Variants in GPR78 observed in about 807,000 individuals in gnomAD.
GPR78 encodes G protein-coupled receptor 78.
In GPR78, 29 loss-of-function variants were observed where a neutral mutation model predicts 17.9. The observed-to-expected ratio is 1.62, with a 90% CI of 1.20 to 2.21. The LOEUF (loss-of-function observed/expected upper bound fraction) is 2.21. Among genes scored for constraint, GPR78 ranks in the 30% most tolerant of loss-of-function variants. The pLI, the probability that GPR78 is intolerant of heterozygous loss-of-function variation, is 0.00. For synonymous variants in GPR78, 349 were observed against 256.9 expected (o/e 1.36, Z -3.43); for missense variants, 649 against 530.5 (o/e 1.22, Z -2.19).
chr4:8,587,634 C>T lies in GPR78; in HGVS notation c.*271C>T. On this transcript the variant is annotated 3_prime_UTR_variant, in exon 3 of 3. Coordinates refer to ENST00000382487, the MANE Select transcript of GPR78 (RefSeq NM_080819.5). ...GAACCTTAGCTTCCTCACCCTTGTT[C>T]TGGGGTCATGGCGATGCTTCGAGAC... 1.8e-6 allele frequency: 1 copy of T among 549,704 alleles called. No homozygotes were observed. 34.1% of individuals were successfully genotyped at this position (549,704 alleles called of 1,614,324 possible). A position where few individuals can be genotyped will look rare whatever the true frequency, so the allele number is the denominator to read the frequency against.
rs574084653 is a variant in GPR78 at position 8,587,032 on chromosome 4, A to G, written c.783-22A>G. 2.1e-5 allele frequency: 34 copies of G among 1,603,678 alleles called. No individual in the cohort carries two copies. In the East Asian group the frequency reaches 6.7e-4, roughly 32 times the overall value. On this transcript the variant is annotated intron_variant, in intron 2 of 2. Transcript: ENST00000382487. ...CAGGTGCTGTCACTGTGGCTGAGTT[A>G]GCTGCTCCGCTTCCCCAACAGGCTG...
Position 8,581,502 on chromosome 4 carries a change from G to A in GPR78, c.520G>A (p.Ala174Thr), listed in dbSNP as rs762337919. The A allele has an allele frequency of 1.2e-5, 19 of 1,591,852 alleles. No individual in the cohort carries two copies. Among genetic ancestry groups the A allele is most frequent in the Non-Finnish European group, 1.6e-5 (19 of 1,176,976 alleles). ...GCGTCCGCGCTTCGCAGCCTTCACCGCCACGCTCCATGCCGTGGGCTTCGT... is the reference window on the plus strand; with the variant it reads ...GCGTCCGCGCTTCGCAGCCTTCACCACCACGCTCCATGCCGTGGGCTTCGT... ...PERPRFAAFT[A>T]TLHAVGFVLP... The change falls in exon 1 of 3, where the codon GCC becomes ACC. Residue 174 changes from alanine to threonine, a missense_variant. Transcript: ENST00000382487.
At chr4:8,585,773 T>TTGCC (rs886273621) in intron 2 of GPR78, among the ~76,000 whole-genome samples, 8 of 151,768 alleles carry the variant, frequency 5.3e-5, no homozygotes, top group Non-Finnish European at 7.4e-5. Context: ...CTTGAGGTGG[T>TTGCC]TGCCTGCCTG....
At position 8,581,287 on chromosome 4, in the gene GPR78, C is replaced by T. The variant is rs1713270314; in HGVS notation, c.305C>T (p.Ala102Val). ...NAALSVAALS[A>V]DQWLAVGFPL... ...GCGCTGAGCGTGGCGGCGCTGAGCG[C>T]AGACCAGTGGCTGGCAGTGGGCTTC... The change falls in exon 1 of 3, where the codon GCA becomes GTA. Residue 102 changes from alanine to valine, a missense_variant. Physicochemically the swap from Ala to Val is moderately conservative, Grantham distance 64. Transcript: ENST00000382487. The T allele has an allele frequency of 3.1e-6, 5 of 1,587,306 alleles. No individual in the cohort carries two copies. Among genetic ancestry groups the T allele is most frequent in the Non-Finnish European group, 4.3e-6 (5 of 1,172,370 alleles).
At chr4:8,585,117 C>T (rs377631891) in intron 2 of GPR78, among the ~76,000 whole-genome samples, 10 of 152,112 alleles carry the variant, frequency 6.6e-5, no homozygotes, top group Non-Finnish European at 1.2e-4. Context: ...GTGGGGTGTG[C>T]GGCAGTGAGA....
At chr4:8,586,779 C>A (rs1379186463) in intron 2 of GPR78, among the ~76,000 whole-genome samples, 1 of 152,138 alleles carries the variant, frequency 6.6e-6, no homozygotes, top group East Asian at 1.9e-4. Flanking sequence ...TGGGAGAAGG[C>A]CTTGGTGACG....
At chr4:8,584,558 C>T (rs1713420922) in intron 2 of GPR78, among the ~76,000 whole-genome samples, 2 of 152,206 alleles carry the variant, frequency 1.3e-5, no homozygotes, top group Non-Finnish European at 2.9e-5. Context: ...GCAAATGGAA[C>T]ACAGGCTCCT....
In GPR78 at chr4:8,581,096, T is replaced by C; in HGVS notation, c.114T>C (p.Thr38=). 6.2e-7 allele frequency: 1 copy of C among 1,606,244 alleles called. No homozygotes were observed. The highest frequency in any genetic ancestry group is 1.1e-5 in the South Asian group (1 of 90,826). Residue 38 remains threonine, a synonymous_variant, in exon 1 of 3, where the codon ACT becomes ACC. Transcript: ENST00000382487. ...GCGCCTACAGCGCTGAGCTCCGCAC[T>C]CGAGCCTCAGGCGTCCTCCTGGTGA... The part of the protein sequence containing the change: ...LCCAYSAELR[T]RASGVLLVNL...
chr4:8,585,091 C>T (rs192905231), intron 2 of GPR78, among the ~76,000 whole-genome samples: 13 of 152,290 alleles, frequency 8.5e-5, no homozygotes, highest in South Asian at 2.1e-4. Context: ...CTCAATCAGT[C>T]GTGCAGATGA....
intron 1 of GPR78, among the ~76,000 whole-genome samples, 162 bp from the exon 2 acceptor site, chr4:8,582,369 C>T (rs774209034): frequency 2.3e-4 from 35 of 152,246 alleles, no homozygotes; most frequent in Non-Finnish European, 3.7e-4. Flanking sequence ...CAAGCCTACC[C>T]CTTGTTCTTT....
Position 8,588,777 on chromosome 4 carries a change from G to A in GPR78, c.*1414G>A, listed in dbSNP as rs900587769. On this transcript the variant is annotated 3_prime_UTR_variant, in exon 3 of 3. Transcript: ENST00000382487. ...GGCTGAATTCTTCAAAGACACACGC[G>A]GTCGTCACTTGCTCTTGGCATTAAC... Among the ~76,000 whole-genome samples the A allele has an allele frequency of 3.3e-5, 5 of 152,202 alleles. No homozygotes were observed. Among genetic ancestry groups the A allele is most frequent in the Admixed American group, 6.5e-5 (1 of 15,280 alleles).
In GPR78 at chr4:8,580,962, G is replaced by A. The variant is rs769400858; in HGVS notation, c.-21G>A. 5.2e-6 allele frequency: 8 copies of A among 1,531,320 alleles called. No individual in the cohort carries two copies. The South Asian group carries it at 7.4e-5, about 14-fold the overall frequency. 94.9% of individuals were successfully genotyped at this position (1,531,320 alleles called of 1,614,324 possible). A position where few individuals can be genotyped will look rare whatever the true frequency, so the allele number is the denominator to read the frequency against. On this transcript the variant is annotated 5_prime_UTR_variant, in exon 1 of 3. Coordinates refer to ENST00000382487, the MANE Select transcript of GPR78 (RefSeq NM_080819.5). The stretch of plus-strand genomic sequence containing the variant: ...AGCAGAGCCATGAGAACCCCAGGGT[G>A]CCTGGCGAGCCGCTAGCGCCATGGG...
Position 8,585,887 on chromosome 4 carries a change from GGTGGTCCAAACTAATGA to G in GPR78, c.783-1163_783-1147del, listed in dbSNP as rs945751632. Among the ~76,000 whole-genome samples the G allele has an allele frequency of 8.5e-5, 13 of 152,306 alleles. No homozygotes were observed. The East Asian group carries it at 2.5e-3, about 29-fold the overall frequency. ...CACCCCAGCAGCTGCTGTGTTTGTGGGTGGTCCAAACTAATGAGTGACCCAGCCAAACTTGTAAATCA... is the reference window on the plus strand; with the variant it reads ...CACCCCAGCAGCTGCTGTGTTTGTGGGTGACCCAGCCAAACTTGTAAATCA... On this transcript the variant is annotated intron_variant, in intron 2 of 2. Coordinates refer to ENST00000382487, the MANE Select transcript of GPR78 (RefSeq NM_080819.5).
In GPR78 at chr4:8,587,566, G is replaced by T; in HGVS notation, c.*203G>T. On this transcript the variant is annotated 3_prime_UTR_variant, in exon 3 of 3. Coordinates refer to ENST00000382487, the MANE Select transcript of GPR78 (RefSeq NM_080819.5). ...GCGGAGGAGAGCTCGGGGCTGGGCT[G>T]CCTGGCTGCTGGGTGGCCCCGGGAC... 1 of 620,574 alleles carries T rather than the reference G, an allele frequency of 1.6e-6. No homozygotes were observed. Among genetic ancestry groups the T allele is most frequent in the Non-Finnish European group, 2.8e-6 (1 of 355,834 alleles). The allele number at this position is 620,574 out of a possible 1,614,324, so 38.4% of individuals were successfully genotyped here.
chr4:8,580,894 G>T lies in GPR78; in HGVS notation c.-89G>T. 1 of 1,247,676 alleles carries T rather than the reference G, an allele frequency of 8.0e-7. No individual in the cohort carries two copies. Among genetic ancestry groups the T allele is most frequent in the South Asian group, 1.6e-5 (1 of 64,112 alleles). The allele number at this position is 1,247,676 out of a possible 1,614,324, so 77.3% of individuals were successfully genotyped here. A position where few individuals can be genotyped will look rare whatever the true frequency, so the allele number is the denominator to read the frequency against. On this transcript the variant is annotated 5_prime_UTR_variant, in exon 1 of 3. Coordinates refer to ENST00000382487, the MANE Select transcript of GPR78 (RefSeq NM_080819.5). Reference sequence around the variant, plus strand: ...ACCTCCCAGAAGCCGTGGGCGCGCCGCTCAGCTGCTCCATCGCCTCACTTT... The same window carrying T: ...ACCTCCCAGAAGCCGTGGGCGCGCCTCTCAGCTGCTCCATCGCCTCACTTT...
At position 8,580,795 on chromosome 4, in the gene GPR78, C is replaced by T. The variant is rs1713240512; in HGVS notation, c.-188C>T. On this transcript the variant is annotated 5_prime_UTR_variant, in exon 1 of 3. Coordinates refer to ENST00000382487, the MANE Select transcript of GPR78 (RefSeq NM_080819.5). Reference sequence around the variant, plus strand: ...TCCTGCTCCGCAGAGCTACGCCCTCCCCCCGGGTGCCCCGGACCCTGCACT... The same window carrying T: ...TCCTGCTCCGCAGAGCTACGCCCTCTCCCCGGGTGCCCCGGACCCTGCACT... The T allele has an allele frequency of 4.8e-6, 3 of 619,214 alleles. No homozygotes were observed. Among genetic ancestry groups the T allele is most frequent in the East Asian group, 3.0e-5 (1 of 33,820 alleles). The allele number at this position is 619,214 out of a possible 1,614,324, so 38.4% of individuals were successfully genotyped here. A position where few individuals can be genotyped will look rare whatever the true frequency, so the allele number is the denominator to read the frequency against.
Position 8,588,697 on chromosome 4 carries a change from C to G in GPR78, c.*1334C>G, listed in dbSNP as rs1374869543. On this transcript the variant is annotated 3_prime_UTR_variant, in exon 3 of 3. Coordinates refer to ENST00000382487, the MANE Select transcript of GPR78 (RefSeq NM_080819.5). The stretch of plus-strand genomic sequence containing the variant: ...ATGGAGCCTGTATCATGACACCTTA[C>G]ACCCAAGGCCAGCAATGCAAGGAGA... Among the ~76,000 whole-genome samples the G allele has an allele frequency of 6.6e-6, 1 of 152,224 alleles. No homozygotes were observed. Among genetic ancestry groups the G allele is most frequent in the South Asian group, 2.1e-4 (1 of 4,834 alleles).
chr4:8,584,861 C>G (rs531941913), intron 2 of GPR78, among the ~76,000 whole-genome samples: 2 of 152,328 alleles, frequency 1.3e-5, no homozygotes, highest in Admixed American at 1.3e-4. Flanking sequence ...AATTGTCCTG[C>G]AATTGCTGAA....
rs550697556 is a variant in GPR78 at position 8,587,170 on chromosome 4, C to A, written c.899C>A (p.Pro300Gln). ...DPFTYSLLRR[P>Q]FRQVLAGMVH... ...TTCACGTACTCTCTGCTCCGCCGGC[C>A]GTTCCGCCAAGTCCTGGCCGGCATG... The change falls in exon 3 of 3, where the codon CCG becomes CAG. Residue 300 changes from proline (P) to glutamine (Q), a missense_variant. Transcript: ENST00000382487. 1 of 1,613,238 alleles carries A rather than the reference C, an allele frequency of 6.2e-7. No homozygotes were observed. The highest frequency in any genetic ancestry group is 8.5e-7 in the Non-Finnish European group (1 of 1,179,854).
Sources: allele counts gnomAD v4.1 joint callset (sites outside exome capture counted in the v4.1 genomes callset), GRCh38; gene constraint gnomAD v4.1.1; transcripts MANE v1.5; gene names NCBI Gene and HGNC (gene_info 2026-07-23, HGNC 2026-07-21).